The following LMO7 variants were observed in gnomAD, a reference collection of about 807,000 sequenced individuals.
LMO7 encodes LIM domain 7, also known as LIM domain only protein 7.
LMO7 carries 120 observed loss-of-function variants against 206.5 expected under a neutral mutation model. That is an observed-to-expected ratio of 0.58 (90% CI 0.50 to 0.68). LMO7 has a LOEUF of 0.68. Ranked by LOEUF, LMO7 falls within the 30% of genes least tolerant of loss-of-function variation. The pLI is 0.00. For missense variants in LMO7, 1,959 were observed against 1,957.9 expected (o/e 1.00, Z -0.01); for synonymous variants, 706 against 681.5 (o/e 1.04, Z -0.56).
intron 4 of LMO7, among the ~76,000 whole-genome samples, chr13:75,786,202 T>A (rs1029444323): frequency 6.6e-6 from 1 of 152,152 alleles, no homozygotes; most frequent in African/African-American, 2.4e-5. Flanking sequence ...ATAGTCCACA[T>A]AATGATTGAT....
At chr13:75,826,016 TTTTC>T (rs1253690477) in intron 15 of LMO7, among the ~76,000 whole-genome samples, 5 of 152,066 alleles carry the variant, frequency 3.3e-5, no homozygotes, top group Non-Finnish European at 7.4e-5. Context: ...ATTCTTTTCT[TTTTC>T]TTTCTTTTTT....
Position 75,800,896 on chromosome 13 carries a change from T to A in LMO7, c.661+14T>A. 1 of 1,612,270 alleles carries A rather than the reference T, an allele frequency of 6.2e-7. No homozygotes were observed. The highest frequency in any genetic ancestry group is 8.5e-7 in the Non-Finnish European group (1 of 1,178,428). On this transcript the variant is annotated intron_variant, in intron 7 of 30. Transcript: ENST00000377534. The stretch of plus-strand genomic sequence containing the variant: ...GGGGGCGTGAAGGTGTGTTGTGTTT[T>A]GGCTGTCAGTTTATTTGTTCACATA...
chr13:75,705,714 A>G (rs188916752), intron 1 of LMO7, among the ~76,000 whole-genome samples: 1 of 152,382 alleles, frequency 6.6e-6, no homozygotes. Context: ...ACTACTAAAC[A>G]GTTCTTTTAA....
intron 22 of LMO7, among the ~76,000 whole-genome samples, chr13:75,840,894 T>C (rs953832677): frequency 2.0e-5 from 3 of 152,150 alleles, no homozygotes; most frequent in African/African-American, 4.8e-5. Flanking sequence ...GGTTTAATTC[T>C]CAGTGTCTAC....
intron 1 of LMO7, among the ~76,000 whole-genome samples, chr13:75,661,045 T>C (rs1007861311): frequency 3.9e-5 from 6 of 152,244 alleles, no homozygotes; most frequent in African/African-American, 1.4e-4. Context: ...AGATTACTTA[T>C]GCTAAGAAGT....
chr13:75,632,634 T>G (rs1037500355), upstream of LMO7, among the ~76,000 whole-genome samples: 8 of 152,386 alleles, frequency 5.2e-5, no homozygotes, highest in African/African-American at 1.9e-4. Context: ...TCCCCAAGGC[T>G]GTGCACTTCT....
Position 75,841,155 on chromosome 13 carries a change from G to A in LMO7, c.3629G>A (p.Arg1210Lys). ...GAGAAACTGAGGGAAGAGTGGCAAAGGGCCAAACAGGAGGCAGAGAGAGAG... is the reference window on the plus strand; with the variant it reads ...GAGAAACTGAGGGAAGAGTGGCAAAAGGCCAAACAGGAGGCAGAGAGAGAG... ...EQEKLREEWQRAKQEAERENS... is the reference protein window; with the variant it reads ...EQEKLREEWQKAKQEAERENS... Residue 1210 changes from arginine to lysine, a missense_variant, in exon 23 of 31, where the codon AGG (arginine) becomes AAG (lysine). By Grantham distance (26) the Arg-to-Lys change is conservative. Transcript: ENST00000377534. The A allele has an allele frequency of 6.2e-6, 10 of 1,613,510 alleles. No homozygotes were observed. Among genetic ancestry groups the A allele is most frequent in the Non-Finnish European group, 8.5e-6 (10 of 1,179,530 alleles).
At chr13:75,752,004 G>A (rs2047309686) in intron 3 of LMO7, among the ~76,000 whole-genome samples, 1 of 152,174 alleles carries the variant, frequency 6.6e-6, no homozygotes, top group Non-Finnish European at 1.5e-5. Flanking sequence ...ACATTTTCAT[G>A]AGGATTTAGA....
At chr13:75,647,951 C>T (rs75436047) in intron 1 of LMO7, among the ~76,000 whole-genome samples, 12 of 91,138 alleles carry the variant, frequency 1.3e-4, no homozygotes, top group Admixed American at 4.7e-4. Context: ...TCTTTTCTTT[C>T]TTTTTTTTTT....
intron 1 of LMO7, among the ~76,000 whole-genome samples, chr13:75,706,411 G>A (rs767844478): frequency 3.3e-5 from 5 of 152,180 alleles, no homozygotes; most frequent in African/African-American, 1.2e-4. Context: ...TGGTATAAGA[G>A]TTGCTAATTA....
At chr13:75,720,434 G>A (rs768075797) in intron 2 of LMO7, among the ~76,000 whole-genome samples, 8 of 152,066 alleles carry the variant, frequency 5.3e-5, no homozygotes, top group East Asian at 1.9e-4. Flanking sequence ...ACTTCCCCCT[G>A]TGTTTTCTTC....
chr13:75,855,428 G>A (rs1220506269), intron 29 of LMO7, 60 bp downstream of exon 29: 4 of 1,013,972 alleles, frequency 3.9e-6, no homozygotes, highest in Admixed American at 3.9e-5. Context: ...GCGCATGGCT[G>A]CTTTGAGCCG....
intron 6 of LMO7, among the ~76,000 whole-genome samples, 180 bp from the exon 7 acceptor site, chr13:75,800,504 A>C (rs972132357): frequency 2.6e-5 from 4 of 152,158 alleles, no homozygotes; most frequent in Non-Finnish European, 5.9e-5. Context: ...GTGGGCAAAC[A>C]ATTACAAATT....
chr13:75,660,316 T>C (rs2038457128), intron 1 of LMO7, among the ~76,000 whole-genome samples: 1 of 152,246 alleles, frequency 6.6e-6, no homozygotes, highest in Non-Finnish European at 1.5e-5. Context: ...TTTATCTTAC[T>C]GTAGCTTATC....
intron 3 of LMO7, among the ~76,000 whole-genome samples, chr13:75,750,694 G>A (rs1040494484): frequency 5.9e-5 from 9 of 152,140 alleles, no homozygotes; most frequent in African/African-American, 1.7e-4. Context: ...ACCACTGGCC[G>A]GGGATTTTCT....
At chr13:75,652,657 GTA>G (rs2037697913) in intron 1 of LMO7, among the ~76,000 whole-genome samples, 2 of 146,816 alleles carry the variant, frequency 1.4e-5, no homozygotes, top group African/African-American at 2.6e-5. Flanking sequence ...GTGTGTGTGT[GTA>G]TTTATTTTTA....
intron 1 of LMO7, among the ~76,000 whole-genome samples, chr13:75,677,616 T>A (rs1347877467): frequency 6.7e-6 from 1 of 150,364 alleles, no homozygotes; most frequent in African/African-American, 2.5e-5. Flanking sequence ...TGCGTCCCAA[T>A]AGAAGTCTTT....
intron 20 of LMO7, 77 bp downstream of exon 20, chr13:75,838,273 G>A (rs2059294440): frequency 6.6e-7 from 1 of 1,513,276 alleles, no homozygotes; most frequent in Non-Finnish European, 9.1e-7. Flanking sequence ...GGTCTGTGGT[G>A]CTGGGCACTG....
chr13:75,656,900 T>C (rs2038109723), intron 1 of LMO7, among the ~76,000 whole-genome samples: 1 of 152,210 alleles, frequency 6.6e-6, no homozygotes. Context: ...CACTGCTCTG[T>C]GTCCCCACAA....
Sources: gnomAD v4.1 joint callset for allele counts (sites outside exome capture counted in the v4.1 genomes callset) on GRCh38, gnomAD v4.1.1 for gene constraint, MANE v1.5 for transcripts, NCBI Gene and HGNC (gene_info 2026-07-23, HGNC 2026-07-21) for gene names.